ERBB4: variants seen among roughly 807,000 people sequenced by gnomAD.
ERBB4 encodes the protein erb-b2 receptor tyrosine kinase 4, also known as receptor tyrosine-protein kinase erbB-4.
Under a neutral mutation model 158.0 loss-of-function variants are expected in ERBB4, and 42 were observed. That is an observed-to-expected ratio of 0.27 (90% CI 0.21 to 0.34). The LOEUF (loss-of-function observed/expected upper bound fraction) is 0.34, where lower values mean the gene tolerates loss of function less well. Ranked by LOEUF, ERBB4 falls within the 10% of genes least tolerant of loss-of-function variation. ERBB4 has a pLI of 1.00. For missense variants in ERBB4, 1,333 were observed against 1,624.1 expected (o/e 0.82, Z 3.08); for synonymous variants, 583 against 558.7 (o/e 1.04, Z -0.61).
intron 3 of ERBB4, among the ~76,000 whole-genome samples, chr2:211,828,577 T>TG (rs397761348): frequency 6.6e-6 from 1 of 152,018 alleles, no homozygotes; most frequent in East Asian, 1.9e-4. Context: ...TACATTTTTT[T>TG]GTCACTGTTG....
chr2:211,443,357 T>C (rs2064033168), intron 20 of ERBB4, among the ~76,000 whole-genome samples: 1 of 152,138 alleles, frequency 6.6e-6, no homozygotes, highest in South Asian at 2.1e-4. Context: ...CTTACTTGCA[T>C]ATATGTTGCA....
chr2:212,496,182 AAAACATTTTAGG>A (rs1690557002), intron 1 of ERBB4, among the ~76,000 whole-genome samples: 1 of 139,454 alleles, frequency 7.2e-6, no homozygotes, highest in African/African-American at 3.4e-5. Flanking sequence ...TAGGATGTTT[AAAACATTTTAGG>A]ATGAAAAATT....
rs527732626 is a variant in ERBB4, at chr2:211,828,354, A to G, written c.422-40195T>C. Among the ~76,000 whole-genome samples, 3 of 152,234 alleles carry G rather than the reference A, an allele frequency of 2.0e-5. No homozygotes were observed. In the East Asian group the frequency reaches 5.8e-4, roughly 29 times the overall value. On this transcript the variant is annotated intron_variant, in intron 3 of 27. Coordinates refer to ENST00000342788, the MANE Select transcript of ERBB4 (RefSeq NM_005235.3). ...GCACCAGAAGAAAAATAAACCCACA[A>G]TACACAACCCTGAAATAAGGAAAGT...
chr2:212,294,903 A>T (rs2106190892), intron 1 of ERBB4, among the ~76,000 whole-genome samples: 1 of 152,246 alleles, frequency 6.6e-6, no homozygotes, highest in South Asian at 2.1e-4. Flanking sequence ...AATCTCATTC[A>T]GGTTCACTTC....
intron 3 of ERBB4, among the ~76,000 whole-genome samples, chr2:211,842,647 G>T (rs2077498987): frequency 6.6e-6 from 1 of 151,762 alleles, no homozygotes; most frequent in Non-Finnish European, 1.5e-5. Flanking sequence ...AGTTATTCAG[G>T]AATAGTCTTT....
chr2:211,858,312 T>C (rs550267417), intron 3 of ERBB4, among the ~76,000 whole-genome samples: 2 of 152,268 alleles, frequency 1.3e-5, no homozygotes, highest in South Asian at 2.1e-4. Context: ...ACCCTTACAG[T>C]CCCGTAGACA....
intron 1 of ERBB4, among the ~76,000 whole-genome samples, chr2:212,432,241 T>C (rs2092046751): frequency 6.6e-6 from 1 of 152,158 alleles, no homozygotes; most frequent in South Asian, 2.1e-4. Flanking sequence ...TTAATAAAGA[T>C]AAACAGAATT....
intron 1 of ERBB4, among the ~76,000 whole-genome samples, chr2:212,316,154 T>C (rs1020341055): frequency 1.3e-5 from 2 of 151,496 alleles, no homozygotes; most frequent in Non-Finnish European, 3.0e-5. Flanking sequence ...TTTTTTCCTA[T>C]GTATCTTTTA....
chr2:212,127,670 G>A (rs531689837), intron 1 of ERBB4, among the ~76,000 whole-genome samples: 11 of 152,256 alleles, frequency 7.2e-5, no homozygotes, highest in African/African-American at 2.2e-4. Flanking sequence ...TGCAACCCAA[G>A]ACAATTCTTT....
Position 212,023,897 on chromosome 2 carries a change from A to G in ERBB4, c.235-76281T>C, listed in dbSNP as rs77151751. 2.9e-3 allele frequency among the ~76,000 whole-genome samples: 448 copies of G among 151,912 alleles called. 4 individuals carry two copies. Among genetic ancestry groups the G allele is most frequent in the African/African-American group, 0.01 (432 of 41,510 alleles). ...TTTTAGGACAAAATAGAAAATATAC[A>G]ACAAAAACTTACACACAAAATATTG... On this transcript the variant is annotated intron_variant, in intron 2 of 27. Transcript: ENST00000342788.
At chr2:212,185,006 C>T (rs1037172407) in intron 1 of ERBB4, among the ~76,000 whole-genome samples, 2 of 131,994 alleles carry the variant, frequency 1.5e-5, no homozygotes, top group African/African-American at 6.0e-5. Context: ...TTAGATATCA[C>T]AGTTACTTTT....
At chr2:211,657,643 T>C (rs2071267904) in intron 16 of ERBB4, 111 bp downstream of exon 16, 1 of 838,560 alleles carries the variant, frequency 1.2e-6, no homozygotes. Flanking sequence ...TCCAATTTGA[T>C]ATATTATGAG....
intron 1 of ERBB4, among the ~76,000 whole-genome samples, chr2:212,440,172 G>A: frequency 6.6e-6 from 1 of 152,212 alleles, no homozygotes; most frequent in Non-Finnish European, 1.5e-5. Flanking sequence ...AGGATATAAA[G>A]TATTGATCCT....
chr2:211,821,423 A>C (rs2076992324), intron 3 of ERBB4, among the ~76,000 whole-genome samples: 1 of 151,974 alleles, frequency 6.6e-6, no homozygotes, highest in Non-Finnish European at 1.5e-5. Flanking sequence ...AATAATTAAT[A>C]TTGTTAAAAT....
intron 3 of ERBB4, among the ~76,000 whole-genome samples, chr2:211,897,778 C>A (rs1448146656): frequency 6.6e-6 from 1 of 152,030 alleles, no homozygotes; most frequent in African/African-American, 2.4e-5. Context: ...GGGTGTCATT[C>A]TGTCACCTAG....
chr2:211,754,260 T>C (rs983746029), intron 4 of ERBB4, among the ~76,000 whole-genome samples: 2 of 152,108 alleles, frequency 1.3e-5, no homozygotes, highest in Non-Finnish European at 2.9e-5. Context: ...GTTTTGTAAA[T>C]GAGGGCCACG....
At chr2:212,365,814 G>A (rs1012549182) in intron 1 of ERBB4, among the ~76,000 whole-genome samples, 1 of 151,712 alleles carries the variant, frequency 6.6e-6, no homozygotes, top group Non-Finnish European at 1.5e-5. Flanking sequence ...AATTTACAAG[G>A]ACTCACAAAT....
At chr2:211,941,627 G>C (rs543100493) in intron 3 of ERBB4, among the ~76,000 whole-genome samples, 1 of 151,558 alleles carries the variant, frequency 6.6e-6, no homozygotes, top group Non-Finnish European at 1.5e-5. Flanking sequence ...CTTCCTGAGA[G>C]TAGACAAAGG....
chr2:212,233,820 C>T (rs1574486353), intron 1 of ERBB4, among the ~76,000 whole-genome samples: 1 of 151,958 alleles, frequency 6.6e-6, no homozygotes, highest in Admixed American at 6.6e-5. Context: ...TGTCTACTTA[C>T]ACTTTTGTGC....
Sources: gnomAD v4.1 joint callset for allele counts (sites outside exome capture counted in the v4.1 genomes callset) on GRCh38, gnomAD v4.1.1 for gene constraint, MANE v1.5 for transcripts, NCBI Gene and HGNC (gene_info 2026-07-23, HGNC 2026-07-21) for gene names.